Variants in LDAH observed in about 807,000 individuals in gnomAD.
LDAH encodes the protein lipid droplet associated hydrolase, also known as lipid droplet-associated hydrolase.
A neutral mutation model predicts 29.6 loss-of-function variants in LDAH; 26 were observed. That is an observed-to-expected ratio of 0.88 (90% CI 0.64 to 1.22). LDAH has a LOEUF of 1.22. Ranked by LOEUF, LDAH falls within the 50% of genes most tolerant of loss-of-function variation. LDAH has a pLI of 0.00. For missense variants in LDAH, 344 were observed against 387.3 expected, an observed-to-expected ratio of 0.89 and a Z score of 0.94; for synonymous variants, 117 against 133.0, an observed-to-expected ratio of 0.88 and a Z score of 0.83.
chr2:20,815,951 T>G (rs1221700882), intron 1 of LDAH, among the ~76,000 whole-genome samples: 1 of 152,106 alleles, frequency 6.6e-6, no homozygotes, highest in Non-Finnish European at 1.5e-5. Flanking sequence ...TGATGTGGTG[T>G]TCAAGGTGTA....
chr2:20,683,402 C>A (rs934320422), downstream of LDAH, among the ~76,000 whole-genome samples: 3 of 152,256 alleles, frequency 2.0e-5, no homozygotes, highest in Non-Finnish European at 4.4e-5. Context: ...GTCCCAGCCT[C>A]CAACCTCTCC....
At chr2:20,744,550 C>A (rs539348936) in intron 4 of LDAH, among the ~76,000 whole-genome samples, 9 of 152,236 alleles carry the variant, frequency 5.9e-5, no homozygotes, top group African/African-American at 2.2e-4. Flanking sequence ...TTAGGTATTT[C>A]CCTTCCCTTG....
At chr2:20,809,250 T>C (rs1451448160) in intron 1 of LDAH, among the ~76,000 whole-genome samples, 1 of 123,758 alleles carries the variant, frequency 8.1e-6, no homozygotes, top group Non-Finnish European at 1.5e-5. Context: ...AAAAAAAAAA[T>C]TAGCTGCGCT....
At chr2:20,789,353 A>G in intron 3 of LDAH, 2 of 1,515,050 alleles carry the variant, frequency 1.3e-6, no homozygotes, top group Non-Finnish European at 1.8e-6. Flanking sequence ...GTGAATCGGG[A>G]AGTAGGTTTT....
At chr2:20,694,790 A>G (rs370811703) in intron 6 of LDAH, among the ~76,000 whole-genome samples, 54 of 152,324 alleles carry the variant, frequency 3.5e-4, no homozygotes, top group African/African-American at 1.3e-3. Flanking sequence ...CCATCTGTGT[A>G]TACAGCGGTG....
intron 1 of LDAH, among the ~76,000 whole-genome samples, chr2:20,814,945 G>A (rs574137909): frequency 1.0e-3 from 154 of 152,198 alleles, no homozygotes; most frequent in African/African-American, 3.4e-3. Flanking sequence ...GTATGTTCAT[G>A]CTTCATCTGC....
intron 4 of LDAH, 88 bp from the exon 5 acceptor site, chr2:20,740,293 G>A (rs758989332): frequency 4.6e-6 from 4 of 875,686 alleles, no homozygotes; most frequent in Non-Finnish European, 7.3e-6. Flanking sequence ...AATGACAAAT[G>A]AATGGGTTTT....
Position 20,760,630 on chromosome 2 carries a change from C to T in LDAH, c.468+14180G>A, listed in dbSNP as rs114273039. On this transcript the variant is annotated intron_variant, in intron 4 of 6. Transcript: ENST00000237822. ...TTTCAGTTTTTTTGTTGGATGTTGA[C>T]GGAAGGCAGCTTTCAGCTTCTAGTG... Among the ~76,000 whole-genome samples, 935 of 152,298 alleles carry T rather than the reference C, an allele frequency of 6.1e-3. 7 individuals carry two copies. Among genetic ancestry groups the T allele is most frequent in the Non-Finnish European group, 9.8e-3 (670 of 68,026 alleles).
In LDAH at chr2:20,809,235, C is replaced by CAAAAAAAAA. The variant is rs56974629; in HGVS notation, c.-2-7779_-2-7771dup. ...TGAAACCCCATCTCTACTAGAAATA[C>CAAAAAAAAA]AAAAAAAAAAAAAATTAGCTGCGCT... On this transcript the variant is annotated intron_variant, in intron 1 of 6. Coordinates refer to ENST00000237822, the MANE Select transcript of LDAH (RefSeq NM_021925.4). 1.0e-3 allele frequency among the ~76,000 whole-genome samples: 134 copies of CAAAAAAAAA among 133,956 alleles called. 1 individual carries two copies. The highest frequency in any genetic ancestry group is 3.6e-3 in the African/African-American group (125 of 34,862). 87.9% of individuals were successfully genotyped at this position (133,956 alleles called of 152,430 possible). A position where few individuals can be genotyped will look rare whatever the true frequency, so the allele number is the denominator to read the frequency against.
chr2:20,695,837 T>C (rs1663423933), intron 6 of LDAH, among the ~76,000 whole-genome samples: 1 of 152,220 alleles, frequency 6.6e-6, no homozygotes, highest in Non-Finnish European at 1.5e-5. Flanking sequence ...TTATTAACCA[T>C]TTTATTGATG....
chr2:20,755,748 A>G (rs1361316599), intron 4 of LDAH, among the ~76,000 whole-genome samples: 1 of 152,254 alleles, frequency 6.6e-6, no homozygotes, highest in African/African-American at 2.4e-5. Flanking sequence ...GAAAAGGAAC[A>G]TCATAAAAAC....
chr2:20,688,983 T>C (rs999225596), intron 6 of LDAH, among the ~76,000 whole-genome samples: 3 of 151,876 alleles, frequency 2.0e-5, no homozygotes, highest in Admixed American at 2.0e-4. Context: ...ATGCTATCCC[T>C]CCCCTACCCC....
intron 5 of LDAH, among the ~76,000 whole-genome samples, chr2:20,737,746 C>T (rs1463782857): frequency 6.6e-6 from 1 of 152,056 alleles, no homozygotes; most frequent in Non-Finnish European, 1.5e-5. Flanking sequence ...GCGTGTGAAC[C>T]AGAGAGACTT....
At chr2:20,776,690 C>T (rs1167623069) in intron 3 of LDAH, among the ~76,000 whole-genome samples, 4 of 152,132 alleles carry the variant, frequency 2.6e-5, no homozygotes, top group Admixed American at 6.6e-5. Context: ...GCTCCAAATC[C>T]ACCTTTTTAT....
intron 4 of LDAH, among the ~76,000 whole-genome samples, chr2:20,749,317 C>A (rs953819475): frequency 9.2e-5 from 14 of 152,166 alleles, no homozygotes; most frequent in African/African-American, 3.4e-4. Context: ...AGTACACAAG[C>A]AAAGTGCTGA....
At chr2:20,778,140 A>T (rs1669943065) in intron 3 of LDAH, among the ~76,000 whole-genome samples, 1 of 152,230 alleles carries the variant, frequency 6.6e-6, no homozygotes, top group African/African-American at 2.4e-5. Flanking sequence ...AGAGGAAGAC[A>T]TAAGAAACTC....
chr2:20,716,186 A>G (rs1438130723), intron 5 of LDAH, among the ~76,000 whole-genome samples: 1 of 152,184 alleles, frequency 6.6e-6, no homozygotes, highest in African/African-American at 2.4e-5. Flanking sequence ...TCAAGGATCT[A>G]GAACTAGAAA....
intron 4 of LDAH, among the ~76,000 whole-genome samples, chr2:20,764,221 A>AC (rs1346941029): frequency 6.2e-4 from 94 of 152,356 alleles, no homozygotes; most frequent in African/African-American, 2.2e-3. Context: ...ATATACTTAA[A>AC]TAAATGCATA....
chr2:20,806,638 T>G (rs778041938), intron 1 of LDAH, among the ~76,000 whole-genome samples: 2 of 151,622 alleles, frequency 1.3e-5, no homozygotes, highest in Non-Finnish European at 2.9e-5. Flanking sequence ...TTAAAAATGT[T>G]AAAAAAAATC....
Sources: gnomAD v4.1 joint callset for allele counts (sites outside exome capture counted in the v4.1 genomes callset) on GRCh38, gnomAD v4.1.1 for gene constraint, MANE v1.5 for transcripts, NCBI Gene and HGNC (gene_info 2026-07-23, HGNC 2026-07-21) for gene names.